Variants in SVOPL observed in about 807,000 individuals in gnomAD.
SVOPL encodes SVOP like, also known as putative transporter SVOPL.
In SVOPL, 60 loss-of-function variants were observed where a neutral mutation model predicts 61.0. The ratio of observed to expected loss-of-function variants is 0.98; its 90% CI spans 0.80 to 1.22. The LOEUF (loss-of-function observed/expected upper bound fraction) is 1.22, where lower values mean the gene tolerates loss of function less well. Among genes scored for constraint, SVOPL ranks in the 50% most tolerant of loss-of-function variants. The pLI is 0.00. For synonymous variants in SVOPL, 279 were observed against 250.0 expected, an observed-to-expected ratio of 1.12 and a Z score of -1.09; for missense variants, 662 against 643.9, an observed-to-expected ratio of 1.03 and a Z score of -0.30.
At chr7:138,686,711 T>G (rs996498896) in intron 1 of SVOPL, among the ~76,000 whole-genome samples, 29 of 151,590 alleles carry the variant, frequency 1.9e-4, no homozygotes, top group Admixed American at 1.7e-3. Context: ...CCTGTAATCA[T>G]GCACCGCCAC....
At chr7:138,647,402 A>G (rs1315557227) in intron 8 of SVOPL, among the ~76,000 whole-genome samples, 1 of 151,924 alleles carries the variant, frequency 6.6e-6, no homozygotes, top group Non-Finnish European at 1.5e-5. Flanking sequence ...AATGAAAAAA[A>G]GATGACATGG....
At chr7:138,660,140 C>T (rs1801940889) in intron 5 of SVOPL, 152 bp from the exon 6 acceptor site, 1 of 1,439,164 alleles carries the variant, frequency 6.9e-7, no homozygotes, top group African/African-American at 1.4e-5. Flanking sequence ...TCACAATCAT[C>T]CAACAATACA....
chr7:138,669,114 T>C (rs2117104258), intron 4 of SVOPL, among the ~76,000 whole-genome samples: 1 of 152,314 alleles, frequency 6.6e-6, no homozygotes, highest in South Asian at 2.1e-4. Flanking sequence ...AGGGAAGGGC[T>C]CTCTGCAGTT....
At chr7:138,647,623 G>A (rs903056967) in intron 8 of SVOPL, among the ~76,000 whole-genome samples, 3 of 151,872 alleles carry the variant, frequency 2.0e-5, no homozygotes, top group Non-Finnish European at 4.4e-5. Context: ...GGCTGAGGCG[G>A]GTGGATCACT....
chr7:138,625,937 C>A (rs373048033), intron 13 of SVOPL, 32 bp downstream of exon 13: 177 of 1,609,766 alleles, frequency 1.1e-4, no homozygotes, highest in Admixed American at 7.4e-4. Context: ...CCTTACACAC[C>A]CTTTGTAAGC....
intron 8 of SVOPL, among the ~76,000 whole-genome samples, chr7:138,646,728 G>A (rs189799360): frequency 9.9e-5 from 15 of 152,070 alleles, no homozygotes; most frequent in Middle Eastern, 3.4e-3. Context: ...CATGTTGCCC[G>A]GGCTGGTCTT....
chr7:138,634,467 C>T (rs1157152464), intron 9 of SVOPL, among the ~76,000 whole-genome samples: 3 of 149,358 alleles, frequency 2.0e-5, no homozygotes, highest in Non-Finnish European at 4.4e-5. Flanking sequence ...AGTGAGACCC[C>T]GTCGCTACAA....
At chr7:138,625,860 G>T in intron 13 of SVOPL, 109 bp downstream of exon 13, 1 of 1,100,032 alleles carries the variant, frequency 9.1e-7, no homozygotes, top group Admixed American at 2.5e-5. Flanking sequence ...ATTGTTTTTA[G>T]AAAATCATCA....
At chr7:138,640,095 CTAAAAA>C (rs1800706591) in intron 9 of SVOPL, among the ~76,000 whole-genome samples, 1 of 151,544 alleles carries the variant, frequency 6.6e-6, no homozygotes, top group African/African-American at 2.4e-5. Context: ...TGTAGAAAGA[CTAAAAA>C]TAAAGAGCTG....
In SVOPL at chr7:138,637,452, A is replaced by C. The variant is rs1230682937; in HGVS notation, c.789+7265T>G. ...CATATATATATATATAGATAGATAG[A>C]TAGATATATATATATAGATATAGAT... On this transcript the variant is annotated intron_variant, in intron 9 of 15. Transcript: ENST00000674285. Among the ~76,000 whole-genome samples the C allele has an allele frequency of 4.1e-4, 11 of 26,536 alleles. 1 individual carries two copies. The highest frequency in any genetic ancestry group is 0.022 in the Middle Eastern group (1 of 46). 17.4% of individuals were successfully genotyped at this position (26,536 alleles called of 152,430 possible).
intron 1 of SVOPL, among the ~76,000 whole-genome samples, chr7:138,684,671 A>C (rs1802766560): frequency 6.6e-6 from 1 of 152,198 alleles, no homozygotes; most frequent in Non-Finnish European, 1.5e-5. Flanking sequence ...TGGGAATGTA[A>C]ATTGGTGCAG....
chr7:138,629,212 TG>T (rs143389740), intron 10 of SVOPL, among the ~76,000 whole-genome samples: 9,403 of 144,924 alleles, frequency 0.065, 442 homozygotes, highest in African/African-American at 0.12. Context: ...TCCCCATGGA[TG>T]GCTTACCTTT....
At chr7:138,656,268 G>A (rs1252220506) in intron 7 of SVOPL, among the ~76,000 whole-genome samples, 180 bp downstream of exon 7, 1 of 152,172 alleles carries the variant, frequency 6.6e-6, no homozygotes, top group Non-Finnish European at 1.5e-5. Context: ...CTTTAGTATA[G>A]TGTAAACATA....
At chr7:138,625,714 G>A (rs999939936) in intron 13 of SVOPL, among the ~76,000 whole-genome samples, 1 of 152,160 alleles carries the variant, frequency 6.6e-6, no homozygotes, top group Non-Finnish European at 1.5e-5. Context: ...CCTAGTGCTA[G>A]GGCAAGGAGG....
intron 9 of SVOPL, 137 bp downstream of exon 9, chr7:138,644,580 C>T: frequency 8.0e-7 from 1 of 1,257,602 alleles, no homozygotes; most frequent in Non-Finnish European, 1.1e-6. Context: ...TGTAGCCTCA[C>T]ATCTTTCCTG....
Position 138,679,029 on chromosome 7 carries a change from G to C in SVOPL, c.17C>G (p.Thr6Arg). Reference sequence around the variant, plus strand: ...AAGGCTGAGGATCGTGACAGGCTCTGTTGGCTTGGTTGCCATCTTCTAAAT... The same window carrying C: ...AAGGCTGAGGATCGTGACAGGCTCTCTTGGCTTGGTTGCCATCTTCTAAAT... Reference protein sequence around the residue: MATKPTEPVTILSLRK... With the variant: MATKPREPVTILSLRK... Residue 6 changes from threonine (T) to arginine (R), a missense_variant, in exon 2 of 16, where the codon ACA (threonine) becomes AGA (arginine). Transcript: ENST00000674285. 1 of 1,551,552 alleles carries C rather than the reference G, an allele frequency of 6.4e-7. No individual in the cohort carries two copies.
At position 138,602,441 on chromosome 7, in the gene SVOPL, C is replaced by CTATATATA. The variant is rs59400217; in HGVS notation, c.1354-5919_1354-5912dup. ...GATTATTAGTGAGAAAAGGCAGTTGCTATATATATATATATATATATATAT... is the reference window on the plus strand; with the variant it reads ...GATTATTAGTGAGAAAAGGCAGTTGCTATATATATATATATATATATATATATATATAT... On this transcript the variant is annotated intron_variant, in intron 14 of 15. Transcript: ENST00000674285. Among the ~76,000 whole-genome samples the CTATATATA allele has an allele frequency of 6.0e-3, 837 of 140,372 alleles. 4 individuals are homozygous for CTATATATA. The highest frequency in any genetic ancestry group is 0.011 in the Middle Eastern group (3 of 266). 92.1% of individuals were successfully genotyped at this position (140,372 alleles called of 152,430 possible). A position where few individuals can be genotyped will look rare whatever the true frequency, so the allele number is the denominator to read the frequency against.
At position 138,630,207 on chromosome 7, in the gene SVOPL, G is replaced by A. The variant is rs563454635; in HGVS notation, c.790-85C>T. On this transcript the variant is annotated intron_variant, in intron 9 of 15. Coordinates refer to ENST00000674285, the MANE Select transcript of SVOPL (RefSeq NM_001139456.2). ...TCCACTGTTTTCGATCATAGAAGAT[G>A]AGAATCATATTGGAGCATGGTGGCC... 11 of 1,168,920 alleles carry A rather than the reference G, an allele frequency of 9.4e-6. No individual in the cohort carries two copies. The Admixed American group carries it at 1.7e-4, about 19-fold the overall frequency. 72.4% of individuals were successfully genotyped at this position (1,168,920 alleles called of 1,614,324 possible).
chr7:138,691,054 C>T (rs1043194349), intron 1 of SVOPL, among the ~76,000 whole-genome samples: 1 of 152,212 alleles, frequency 6.6e-6, no homozygotes, highest in Non-Finnish European at 1.5e-5. Context: ...GGCTTATAGG[C>T]ATGAGCCACC....
Sources: gnomAD v4.1 joint callset for allele counts (sites outside exome capture counted in the v4.1 genomes callset) on GRCh38, gnomAD v4.1.1 for gene constraint, MANE v1.5 for transcripts, NCBI Gene and HGNC (gene_info 2026-07-23, HGNC 2026-07-21) for gene names.